The following FHIT variants were observed in gnomAD, a reference collection of about 807,000 sequenced individuals.
FHIT encodes the protein bis(5'-adenosyl)-triphosphatase.
FHIT carries 19 observed loss-of-function variants against 17.9 expected under a neutral mutation model. That is an observed-to-expected ratio of 1.06 (90% CI 0.74 to 1.56). FHIT has a LOEUF of 1.56. Among genes scored for constraint, FHIT ranks in the 40% most tolerant of loss-of-function variants. FHIT has a pLI of 0.00. For synonymous variants in FHIT, 81 were observed against 69.7 expected, an observed-to-expected ratio of 1.16 and a Z score of -0.81; for missense variants, 248 against 189.2, an observed-to-expected ratio of 1.31 and a Z score of -1.82.
chr3:60,041,007 A>G (rs955136793), intron 5 of FHIT, among the ~76,000 whole-genome samples: 2 of 152,176 alleles, frequency 1.3e-5, no homozygotes, highest in Non-Finnish European at 2.9e-5. Context: ...AAGGAGATAA[A>G]CCACAGGTGT....
At chr3:60,116,266 A>G (rs2107200437) in intron 5 of FHIT, among the ~76,000 whole-genome samples, 1 of 152,296 alleles carries the variant, frequency 6.6e-6, no homozygotes, top group East Asian at 1.9e-4. Context: ...AAGCATGAGA[A>G]TTATATTGTA....
chr3:60,513,783 G>T (rs999830800), intron 5 of FHIT, among the ~76,000 whole-genome samples: 1 of 152,152 alleles, frequency 6.6e-6, no homozygotes. Flanking sequence ...ATGAGAATAG[G>T]CATGCTTGTT....
intron 2 of FHIT, among the ~76,000 whole-genome samples, chr3:61,151,575 C>CTT (rs58140463): frequency 1.5e-5 from 2 of 129,268 alleles, no homozygotes; most frequent in Non-Finnish European, 1.7e-5. Flanking sequence ...CTTTTCTTTT[C>CTT]TTTTTTTTTT....
chr3:60,931,429 C>T (rs140019197), intron 3 of FHIT, among the ~76,000 whole-genome samples: 1 of 152,200 alleles, frequency 6.6e-6, no homozygotes, highest in East Asian at 1.9e-4. Flanking sequence ...AAAATATATT[C>T]ATTTATTTTA....
At chr3:60,520,758 A>G (rs1383441324) in intron 5 of FHIT, among the ~76,000 whole-genome samples, 2 of 152,132 alleles carry the variant, frequency 1.3e-5, no homozygotes, top group Non-Finnish European at 2.9e-5. Context: ...AACTCCCATT[A>G]TGGTTAATGA....
intron 5 of FHIT, among the ~76,000 whole-genome samples, chr3:60,078,496 G>C (rs982703790): frequency 1.3e-5 from 2 of 152,112 alleles, no homozygotes; most frequent in African/African-American, 2.4e-5. Flanking sequence ...ACAAAGTCTG[G>C]GGAATTGTTT....
At chr3:59,770,080 G>C (rs894928108) in intron 8 of FHIT, among the ~76,000 whole-genome samples, 2 of 152,166 alleles carry the variant, frequency 1.3e-5, no homozygotes, top group African/African-American at 4.8e-5. Flanking sequence ...AAAATGCCCA[G>C]ACTTGTAAGG....
intron 5 of FHIT, among the ~76,000 whole-genome samples, chr3:60,050,194 T>G (rs74764792): frequency 1.3e-5 from 2 of 152,226 alleles, no homozygotes; most frequent in Non-Finnish European, 2.9e-5. Flanking sequence ...CTGTTAGACG[T>G]AATTTTTCAG....
At chr3:60,543,050 A>G (rs903134156) in intron 4 of FHIT, among the ~76,000 whole-genome samples, 10 of 152,206 alleles carry the variant, frequency 6.6e-5, no homozygotes, top group African/African-American at 2.4e-4. Flanking sequence ...ACTCCTTTCT[A>G]TTCTGCTTCA....
intron 4 of FHIT, among the ~76,000 whole-genome samples, chr3:60,803,433 C>G (rs142605488): frequency 4.7e-4 from 71 of 152,330 alleles, no homozygotes; most frequent in African/African-American, 1.7e-3. Context: ...TCAGTAAAGA[C>G]TCTTCCGCCC....
chr3:60,145,654 C>A (rs536971936), intron 5 of FHIT, among the ~76,000 whole-genome samples: 1 of 152,174 alleles, frequency 6.6e-6, no homozygotes, highest in Non-Finnish European at 1.5e-5. Flanking sequence ...ATGGTCCTAG[C>A]TGACATACCA....
intron 4 of FHIT, chr3:60,537,516 C>T: frequency 1.1e-6 from 1 of 943,392 alleles, no homozygotes; most frequent in Non-Finnish European, 1.3e-6. Context: ...GTAAAATCTC[C>T]AAAATAAAGG....
chr3:61,209,041 G>A (rs922273216), intron 1 of FHIT, among the ~76,000 whole-genome samples: 2 of 151,934 alleles, frequency 1.3e-5, no homozygotes. Context: ...GCATTTGCTT[G>A]TCTGTAAAGG....
At chr3:60,205,955 A>G (rs1703152473) in intron 5 of FHIT, among the ~76,000 whole-genome samples, 1 of 150,928 alleles carries the variant, frequency 6.6e-6, no homozygotes, top group Non-Finnish European at 1.5e-5. Flanking sequence ...AAAAATACAA[A>G]AATAAAAAAA....
At chr3:60,483,694 T>C (rs1296208642) in intron 5 of FHIT, among the ~76,000 whole-genome samples, 2 of 152,242 alleles carry the variant, frequency 1.3e-5, no homozygotes, top group Middle Eastern at 3.4e-3. Flanking sequence ...TAATAAGAGC[T>C]ACTTATGAAA....
At chr3:59,943,108 C>T (rs1335132789) in intron 7 of FHIT, among the ~76,000 whole-genome samples, 3 of 151,628 alleles carry the variant, frequency 2.0e-5, no homozygotes, top group African/African-American at 7.3e-5. Context: ...AATCTGTGGG[C>T]ACATCCTCAA....
intron 4 of FHIT, among the ~76,000 whole-genome samples, chr3:60,551,205 G>A (rs1030407740): frequency 2.0e-5 from 3 of 151,794 alleles, no homozygotes; most frequent in Non-Finnish European, 4.4e-5. Flanking sequence ...GATGAGCAGG[G>A]ATCAGATCAT....
intron 3 of FHIT, among the ~76,000 whole-genome samples, chr3:60,977,610 G>A (rs1487369363): frequency 3.9e-5 from 6 of 152,160 alleles, no homozygotes; most frequent in African/African-American, 1.4e-4. Context: ...GGTGGTTCAC[G>A]CCTGTAATCC....
intron 3 of FHIT, among the ~76,000 whole-genome samples, chr3:60,963,027 C>T (rs540981212): frequency 8.6e-4 from 131 of 152,182 alleles, no homozygotes; most frequent in African/African-American, 2.5e-3. Context: ...TTTGTACCTC[C>T]GGTAGAATTC....
Sources: allele counts gnomAD v4.1 joint callset (sites outside exome capture counted in the v4.1 genomes callset), GRCh38; gene constraint gnomAD v4.1.1; transcripts MANE v1.5; gene names NCBI Gene and HGNC (gene_info 2026-07-23, HGNC 2026-07-21).